Variants in C8orf74 observed in about 807,000 individuals in gnomAD.
The protein encoded by C8orf74 is chromosome 8 open reading frame 74.
Under a neutral mutation model 22.2 loss-of-function variants are expected in C8orf74, and 29 were observed. That is an observed-to-expected ratio of 1.31 (90% CI 0.97 to 1.78). C8orf74 has a LOEUF of 1.78. Among genes scored for constraint, C8orf74 ranks in the 40% most tolerant of loss-of-function variants. C8orf74 has a pLI of 0.00. For synonymous variants in C8orf74, 255 were observed against 163.1 expected (o/e 1.56, Z -4.30); for missense variants, 515 against 369.9 (o/e 1.39, Z -3.22).
intron 2 of C8orf74, among the ~76,000 whole-genome samples, chr8:10,690,224 G>A (rs1027200355): frequency 5.9e-5 from 9 of 152,218 alleles, no homozygotes; most frequent in Non-Finnish European, 1.3e-4. Flanking sequence ...CTCCCGGGAG[G>A]AGAGGGGTTG....
At chr8:10,690,785 CG>C (rs1451221270) in intron 2 of C8orf74, 1 of 443,672 alleles carries the variant, frequency 2.3e-6, no homozygotes, top group African/African-American at 2.0e-5. Context: ...TGGAGCTTCC[CG>C]TGCTGACATC....
rs749300587 is a variant in C8orf74 at position 10,697,924 on chromosome 8, G to T, written c.567G>T (p.Leu189=). ...ACGTGCTGCTCCTGAAAGAGGCGCTGCGCCTGGAGCGGGAGAACTCGCTGC... is the reference window on the plus strand; with the variant it reads ...ACGTGCTGCTCCTGAAAGAGGCGCTTCGCCTGGAGCGGGAGAACTCGCTGC... ...RADVLLLKEA[L]RLERENSLQK... Residue 189 remains leucine (L), a synonymous_variant, in exon 3 of 4, where the codon CTG becomes CTT. Transcript: ENST00000304519. 3.8e-6 allele frequency: 6 copies of T among 1,595,804 alleles called. No individual in the cohort carries two copies. The Admixed American group carries it at 1.0e-4, about 27-fold the overall frequency.
intron 2 of C8orf74, among the ~76,000 whole-genome samples, chr8:10,685,857 A>G (rs1799252131): frequency 6.6e-6 from 1 of 152,100 alleles, no homozygotes; most frequent in African/African-American, 2.4e-5. Flanking sequence ...ATCACGAGAT[A>G]AGGAGATTGA....
At chr8:10,681,201 A>T (rs1490555701) in intron 2 of C8orf74, among the ~76,000 whole-genome samples, 1 of 152,030 alleles carries the variant, frequency 6.6e-6, no homozygotes, top group Non-Finnish European at 1.5e-5. Context: ...CAAAAGCTTC[A>T]GCTGGCTCTG....
chr8:10,688,066 G>A (rs568994736), intron 2 of C8orf74, among the ~76,000 whole-genome samples: 8 of 152,102 alleles, frequency 5.3e-5, no homozygotes, highest in Non-Finnish European at 8.8e-5. Flanking sequence ...TTAGCCAGGC[G>A]TGGTAGTGTA....
At chr8:10,697,097 G>A (rs1185973778) in intron 2 of C8orf74, among the ~76,000 whole-genome samples, 1 of 152,024 alleles carries the variant, frequency 6.6e-6, no homozygotes, top group East Asian at 1.9e-4. Flanking sequence ...AGTAAAAAAA[G>A]AAACGTGGTA....
chr8:10,684,007 C>T (rs574562293), intron 2 of C8orf74, among the ~76,000 whole-genome samples: 18 of 152,276 alleles, frequency 1.2e-4, no homozygotes, highest in South Asian at 2.1e-4. Context: ...GGCCCTCCCA[C>T]GATGCTAGGC....
At chr8:10,683,247 C>G (rs1448102527) in intron 2 of C8orf74, among the ~76,000 whole-genome samples, 1 of 152,226 alleles carries the variant, frequency 6.6e-6, no homozygotes, top group Non-Finnish European at 1.5e-5. Context: ...CTGGCCCCAG[C>G]AGGAAGGCTC....
rs373780439 is a variant in C8orf74, at chr8:10,672,675, T to C, written c.10T>C (p.Leu4=). The C allele has an allele frequency of 1.1e-5, 17 of 1,565,856 alleles. No individual in the cohort carries two copies. In the African/African-American group the frequency reaches 2.3e-4, roughly 21 times the overall value. ...ACCAGATGCAGGGGCCATGGCACTCTTAACACCCCAGGGAGTGAAAGAAGT... is the reference window on the plus strand; with the variant it reads ...ACCAGATGCAGGGGCCATGGCACTCCTAACACCCCAGGGAGTGAAAGAAGT... The part of the protein sequence containing the change: MAL[L]TPQGVKEVFQ... Residue 4 remains leucine, a synonymous_variant, in exon 1 of 4, where the codon TTA becomes CTA. Transcript: ENST00000304519.
chr8:10,695,323 C>G (rs746793261), intron 2 of C8orf74, among the ~76,000 whole-genome samples: 6 of 152,160 alleles, frequency 3.9e-5, no homozygotes, highest in Non-Finnish European at 5.9e-5. Context: ...GACCTCCAAA[C>G]CCAGTACCCT....
chr8:10,699,791 G>C (rs1799614289), intron 3 of C8orf74, among the ~76,000 whole-genome samples: 1 of 152,262 alleles, frequency 6.6e-6, no homozygotes, highest in South Asian at 2.1e-4. Context: ...AGGGTATCCA[G>C]ATGGAGCCTG....
chr8:10,680,842 C>G (rs561533809), intron 2 of C8orf74, among the ~76,000 whole-genome samples: 3 of 152,168 alleles, frequency 2.0e-5, no homozygotes, highest in African/African-American at 7.2e-5. Context: ...AGCTCTTTTC[C>G]ACCTTGCATC....
intron 2 of C8orf74, among the ~76,000 whole-genome samples, chr8:10,694,841 CG>C (rs1313760117): frequency 2.0e-5 from 3 of 151,498 alleles, no homozygotes; most frequent in African/African-American, 4.9e-5. Context: ...GATAAACAAA[CG>C]GGTGGAAAAA....
chr8:10,696,445 T>C (rs1053104056), intron 2 of C8orf74, among the ~76,000 whole-genome samples: 24 of 114,356 alleles, frequency 2.1e-4, no homozygotes, highest in East Asian at 7.5e-4. Flanking sequence ...TCTTTTCTTT[T>C]TTTTTTTTTT....
intron 3 of C8orf74, among the ~76,000 whole-genome samples, chr8:10,699,756 G>A (rs1250899230): frequency 1.3e-5 from 2 of 152,242 alleles, no homozygotes; most frequent in African/African-American, 4.8e-5. Context: ...ACTTTGAAAG[G>A]TGAGAATGAG....
At chr8:10,700,129 G>A (rs577425855) in intron 3 of C8orf74, 106 bp from the exon 4 acceptor site, 15 of 714,382 alleles carry the variant, frequency 2.1e-5, no homozygotes, top group East Asian at 1.1e-4. Flanking sequence ...AGGGTGAGAC[G>A]GATGGACAGT....
chr8:10,695,324 C>T (rs1290455506), intron 2 of C8orf74, among the ~76,000 whole-genome samples: 1 of 152,156 alleles, frequency 6.6e-6, no homozygotes, highest in African/African-American at 2.4e-5. Flanking sequence ...ACCTCCAAAC[C>T]CAGTACCCTC....
At chr8:10,677,328 T>C (rs997078892) in intron 2 of C8orf74, among the ~76,000 whole-genome samples, 10 of 152,226 alleles carry the variant, frequency 6.6e-5, no homozygotes, top group Non-Finnish European at 1.0e-4. Flanking sequence ...CTTCATATAA[T>C]GCGACTAAGT....
intron 3 of C8orf74, 150 bp from the exon 4 acceptor site, chr8:10,700,085 A>T (rs1301454060): frequency 3.9e-6 from 2 of 509,088 alleles, no homozygotes; most frequent in Non-Finnish European, 6.8e-6. Context: ...AGTCAACCAG[A>T]AGCCAGAGGT....
Sources: gnomAD v4.1 joint callset for allele counts (sites outside exome capture counted in the v4.1 genomes callset) on GRCh38, gnomAD v4.1.1 for gene constraint, MANE v1.5 for transcripts, NCBI Gene and HGNC (gene_info 2026-07-23, HGNC 2026-07-21) for gene names.